RET: variants seen among roughly 807,000 people sequenced by gnomAD.
The protein encoded by RET is ret proto-oncogene.
Under a neutral mutation model 118.3 loss-of-function variants are expected in RET, and 19 were observed. The ratio of observed to expected loss-of-function variants is 0.16; its 90% CI spans 0.11 to 0.24. The LOEUF is 0.24. Among genes scored for constraint, RET ranks in the 10% least tolerant of loss-of-function variants. RET has a pLI of 1.00. For missense variants in RET, 1,219 were observed against 1,502.1 expected, an observed-to-expected ratio of 0.81 and a Z score of 3.12; for synonymous variants, 597 against 644.1, an observed-to-expected ratio of 0.93 and a Z score of 1.11.
rs377767399 is a variant in RET, at chr10:43,113,635, TGAG to T, written c.1846_1848del (p.Glu616del). The T allele has an allele frequency of 1.9e-5, 31 of 1,613,406 alleles. No homozygotes were observed. The highest frequency in any genetic ancestry group is 4.0e-5 in the African/African-American group (3 of 75,016). ...GCTATGGCACCTGCAACTGCTTCCCTGAGGAGGAGAAGTGCTTCTGCGAGCCCG... is the reference window on the plus strand; with the variant it reads ...GCTATGGCACCTGCAACTGCTTCCCTGAGGAGAAGTGCTTCTGCGAGCCCG... On this transcript the variant is annotated inframe_deletion, in exon 10 of 20. Transcript: ENST00000355710.
chr10:43,113,784 C>A (rs960718093), intron 10 of RET, 109 bp downstream of exon 10: 1 of 1,483,380 alleles, frequency 6.7e-7, no homozygotes, highest in African/African-American at 1.4e-5. Context: ...CGAGTGGGCC[C>A]CATGAAACTT....
rs958346974 is a variant in RET at position 43,106,703 on chromosome 10, C to T, written c.1063+132C>T. The T allele has an allele frequency of 1.1e-6, 1 of 931,828 alleles. No individual in the cohort carries two copies. Among genetic ancestry groups the T allele is most frequent in the Non-Finnish European group, 1.6e-6 (1 of 607,820 alleles). The allele number at this position is 931,828 out of a possible 1,614,324, so 57.7% of individuals were successfully genotyped here. ...TGTGGCCCAAGCCACTTCCCCTCCA[C>T]CCTCTGCCCAGCACTTCCTGTGTCT... On this transcript the variant is annotated intron_variant, in intron 5 of 19. Coordinates refer to ENST00000355710, the MANE Select transcript of RET (RefSeq NM_020975.6). This position sits in a 1 kb window ranked among gnomAD's most constrained non-coding sequence, Gnocchi z 5.1.
chr10:43,103,774 GT>G (rs1372589172), intron 3 of RET, among the ~76,000 whole-genome samples: 1 of 152,146 alleles, frequency 6.6e-6, no homozygotes, highest in Non-Finnish European at 1.5e-5. Flanking sequence ...TTAGTGGGGG[GT>G]TTTTTGTAAT....
rs776737136 is a variant in RET at position 43,119,535 on chromosome 10, G to A, written c.2397G>A (p.Pro799=). ...GCCCCCTCTCTCCGCCCCCAGGCCC[G>A]CTCCTCCTCATCGTGGAGTACGCCA... ...KLYGACSQDG[P]LLLIVEYAKY... is the part of the protein sequence containing the mutation. Residue 799 remains proline (P), a synonymous_variant, in exon 14 of 20, where the codon CCG becomes CCA. Transcript: ENST00000355710. 1.3e-5 allele frequency: 20 copies of A among 1,597,586 alleles called. No homozygotes were observed. Among genetic ancestry groups the A allele is most frequent in the East Asian group, 4.5e-5 (2 of 44,104 alleles).
chr10:43,080,342 C>T (rs1013286850), intron 1 of RET, among the ~76,000 whole-genome samples: 6 of 152,244 alleles, frequency 3.9e-5, no homozygotes, highest in African/African-American at 9.6e-5. Context: ...AAGGCTAATA[C>T]CAGCAGTAGC....
chr10:43,127,715 T>C (rs1230541587), intron 19 of RET, among the ~76,000 whole-genome samples: 3 of 152,172 alleles, frequency 2.0e-5, no homozygotes, highest in Admixed American at 6.5e-5. Flanking sequence ...CGTTGTAGGC[T>C]CAGACAACAG....
intron 1 of RET, among the ~76,000 whole-genome samples, chr10:43,080,386 G>T (rs1424691131): frequency 6.6e-6 from 1 of 152,260 alleles, no homozygotes; most frequent in Non-Finnish European, 1.5e-5. Context: ...CTGCCCCTGT[G>T]CTGTGCCTAC....
intron 7 of RET, 67 bp from the exon 8 acceptor site, chr10:43,112,032 C>T (rs2132793637): frequency 1.9e-6 from 3 of 1,551,554 alleles, no homozygotes; most frequent in Non-Finnish European, 2.6e-6. Context: ...GTTCCCTGTC[C>T]TTGGGCACTA....
rs1006334638 is a variant in RET, at chr10:43,128,275, C to G, written c.*6C>G. On this transcript the variant is annotated 3_prime_UTR_variant, in exon 20 of 20. Coordinates refer to ENST00000355710, the MANE Select transcript of RET (RefSeq NM_020975.6). ...TGGACACGTTTGATAGTTAACATTT[C>G]TTTGTGAAAGGTAATGGACTCACAA... 6 of 1,614,028 alleles carry G rather than the reference C, an allele frequency of 3.7e-6. No homozygotes were observed. The East Asian group carries it at 6.7e-5, about 18-fold the overall frequency.
At chr10:43,112,352 A>G in intron 8 of RET, 128 bp downstream of exon 8, 2 of 1,389,302 alleles carry the variant, frequency 1.4e-6, no homozygotes, top group Non-Finnish European at 2.0e-6. Context: ...CTCATCCCCC[A>G]TGTGGCTCTC....
chr10:43,080,342 C>A (rs1013286850), intron 1 of RET, among the ~76,000 whole-genome samples: 1 of 152,244 alleles, frequency 6.6e-6, no homozygotes, highest in Non-Finnish European at 1.5e-5. Flanking sequence ...AAGGCTAATA[C>A]CAGCAGTAGC....
chr10:43,077,830 C>T (rs1267025466), intron 1 of RET, among the ~76,000 whole-genome samples: 1 of 152,236 alleles, frequency 6.6e-6, no homozygotes, highest in East Asian at 1.9e-4. Flanking sequence ...CCTGGCCAGC[C>T]GAGGGATTCG....
intron 11 of RET, among the ~76,000 whole-genome samples, chr10:43,115,582 C>T (rs1838053623): frequency 1.3e-5 from 2 of 152,230 alleles, no homozygotes; most frequent in African/African-American, 4.8e-5. Flanking sequence ...TAGGATGAGC[C>T]ACCAGAGTCC....
chr10:43,090,264 C>T (rs1436637815), intron 1 of RET, among the ~76,000 whole-genome samples: 1 of 152,196 alleles, frequency 6.6e-6, no homozygotes. Flanking sequence ...GCAGGGAAGA[C>T]ACAGGGAATT....
rs562339477 is a variant in RET, at chr10:43,098,760, T to C, written c.74-1699T>C. On this transcript the variant is annotated intron_variant, in intron 1 of 19. Coordinates refer to ENST00000355710, the MANE Select transcript of RET (RefSeq NM_020975.6). The stretch of plus-strand genomic sequence containing the variant: ...TTCTAAGACTGAATATTCCATTGTA[T>C]GTATAGACCATGTTTTGTTCATCCA... Among the ~76,000 whole-genome samples, 4 of 152,304 alleles carry C rather than the reference T, an allele frequency of 2.6e-5. No homozygotes were observed. The East Asian group carries it at 7.7e-4, about 29-fold the overall frequency.
chr10:43,102,611 G>A lies in RET; in HGVS notation c.607G>A (p.Ala203Thr), dbSNP rs755007607. The stretch of plus-strand genomic sequence containing the variant: ...GTTCTTGTGCCCCAACATCAGCGTG[G>A]CCTACAGGCTCCTGGAGGGTGAGTG... Reference protein sequence around the residue: ...VQFLCPNISVAYRLLEGEGLP... With the variant: ...VQFLCPNISVTYRLLEGEGLP... Residue 203 changes from alanine (A) to threonine (T), a missense_variant, in exon 3 of 20, where the codon GCC (alanine) becomes ACC (threonine). Physicochemically the swap from Ala to Thr is moderately conservative, Grantham distance 58. This residue lies in a region of RET where 850 missense variants were observed against 969.6 expected (regional missense o/e 0.88). Transcript: ENST00000355710. 1.2e-6 allele frequency: 2 copies of A among 1,614,120 alleles called. No individual in the cohort carries two copies. The highest frequency in any genetic ancestry group is 1.6e-4 in the Middle Eastern group (1 of 6,062).
At chr10:43,098,652 C>T (rs1837573156) in intron 1 of RET, among the ~76,000 whole-genome samples, 1 of 152,170 alleles carries the variant, frequency 6.6e-6, no homozygotes, top group African/African-American at 2.4e-5. Context: ...AAACTCCCGA[C>T]CTTAAGTGAT....
chr10:43,117,949 C>T (rs1040030195), intron 12 of RET, among the ~76,000 whole-genome samples: 28 of 152,178 alleles, frequency 1.8e-4, no homozygotes, highest in African/African-American at 6.0e-4. Flanking sequence ...GGAGCCTGGT[C>T]GCGGTGTGTG....
intron 9 of RET, 22 bp downstream of exon 9, chr10:43,112,985 C>A (rs188801393): frequency 6.3e-7 from 1 of 1,590,960 alleles, no homozygotes; most frequent in Non-Finnish European, 8.6e-7. Context: ...TTAATCAGGG[C>A]ATGGGAACAG....
Sources: allele counts gnomAD v4.1 joint callset (sites outside exome capture counted in the v4.1 genomes callset), GRCh38; gene constraint gnomAD v4.1.1; regional missense constraint gnomAD v4.1.1; non-coding constraint Gnocchi (gnomAD v3.1); transcripts MANE v1.5; gene names NCBI Gene and HGNC (gene_info 2026-07-23, HGNC 2026-07-21).